Variants in AGBL4 observed in about 807,000 individuals in gnomAD.
The protein encoded by AGBL4 is cytosolic carboxypeptidase 6.
A neutral mutation model predicts 66.4 loss-of-function variants in AGBL4; 58 were observed. That is an observed-to-expected ratio of 0.87 (90% CI 0.71 to 1.09). AGBL4 has a LOEUF of 1.09. Among genes scored for constraint, AGBL4 ranks in the 50% least tolerant of loss-of-function variants. AGBL4 has a pLI of 0.00. For synonymous variants in AGBL4, 234 were observed against 222.9 expected, an observed-to-expected ratio of 1.05 and a Z score of -0.44; for missense variants, 579 against 631.0, an observed-to-expected ratio of 0.92 and a Z score of 0.88.
chr1:49,234,591 G>T (rs1470889104), intron 4 of AGBL4, among the ~76,000 whole-genome samples: 12 of 152,140 alleles, frequency 7.9e-5, no homozygotes, highest in Admixed American at 5.9e-4. Flanking sequence ...ATGCCAATTT[G>T]TTTTTTGTGG....
intron 3 of AGBL4, among the ~76,000 whole-genome samples, chr1:49,574,862 C>T (rs1644404644): frequency 6.6e-6 from 1 of 151,796 alleles, no homozygotes; most frequent in African/African-American, 2.4e-5. Context: ...CTGCATTCTG[C>T]TTGTCTTTAT....
chr1:49,697,153 G>A (rs1340021312), intron 3 of AGBL4, 160 bp downstream of exon 3: 2 of 691,156 alleles, frequency 2.9e-6, no homozygotes, highest in Non-Finnish European at 4.5e-6. Flanking sequence ...TCAACATATT[G>A]TATCTATTTC....
At chr1:48,904,780 A>G (rs1436164296) in intron 5 of AGBL4, among the ~76,000 whole-genome samples, 1 of 152,228 alleles carries the variant, frequency 6.6e-6, no homozygotes, top group Non-Finnish European at 1.5e-5. Flanking sequence ...AAAAGATCTA[A>G]GACCAATTTT....
chr1:50,016,058 T>G (rs1661955757), intron 1 of AGBL4, among the ~76,000 whole-genome samples: 1 of 152,156 alleles, frequency 6.6e-6, no homozygotes, highest in African/African-American at 2.4e-5. Flanking sequence ...ATTTTGCACA[T>G]AGGCCCTGGC....
chr1:50,019,263 T>TTCTC lies in AGBL4; in HGVS notation c.34+4496_34+4499dup, dbSNP rs71059571. Among the ~76,000 whole-genome samples, 306 of 83,646 alleles carry TTCTC rather than the reference T, an allele frequency of 3.7e-3. 4 individuals carry two copies. Among genetic ancestry groups the TTCTC allele is most frequent in the Non-Finnish European group, 5.4e-3 (242 of 44,718 alleles). 54.9% of individuals were successfully genotyped at this position (83,646 alleles called of 152,430 possible). A position where few individuals can be genotyped will look rare whatever the true frequency, so the allele number is the denominator to read the frequency against. On this transcript the variant is annotated intron_variant, in intron 1 of 13. Coordinates refer to ENST00000371839, the MANE Select transcript of AGBL4 (RefSeq NM_032785.4). ...TCCTATGCCTTTAGGAAAAAAAATATTCTCTCTCTCTCTCTCTCTCTCTCT... is the reference window on the plus strand; with the variant it reads ...TCCTATGCCTTTAGGAAAAAAAATATTCTCTCTCTCTCTCTCTCTCTCTCTCTCT...
chr1:49,069,921 G>C (rs865930298), intron 4 of AGBL4, among the ~76,000 whole-genome samples: 2 of 152,070 alleles, frequency 1.3e-5, no homozygotes, highest in African/African-American at 4.8e-5. Flanking sequence ...GCAGTGGTCT[G>C]TAGTTCTCCG....
intron 1 of AGBL4, among the ~76,000 whole-genome samples, chr1:50,016,755 C>T (rs1572063944): frequency 6.6e-6 from 1 of 152,174 alleles, no homozygotes; most frequent in Non-Finnish European, 1.5e-5. Context: ...CATTTCACAC[C>T]AGTCAGAATG....
intron 4 of AGBL4, among the ~76,000 whole-genome samples, chr1:49,193,181 A>AT (rs943795214): frequency 5.4e-5 from 8 of 148,956 alleles, no homozygotes; most frequent in Middle Eastern, 3.5e-3. Flanking sequence ...AATGCTCTGT[A>AT]TTTTTTTGGT....
intron 7 of AGBL4, among the ~76,000 whole-genome samples, chr1:48,659,324 C>T (rs1162333917): frequency 3.3e-5 from 5 of 152,154 alleles, no homozygotes; most frequent in Admixed American, 1.3e-4. Flanking sequence ...GCAAAGTCCC[C>T]TAGCTAGATG....
intron 9 of AGBL4, among the ~76,000 whole-genome samples, chr1:48,598,108 G>T (rs550354438): frequency 2.8e-4 from 43 of 152,316 alleles, no homozygotes; most frequent in African/African-American, 9.6e-4. Context: ...GGACAGGTTT[G>T]CAGGGTCCAG....
chr1:49,783,614 C>T (rs1644385919), intron 2 of AGBL4, among the ~76,000 whole-genome samples: 3 of 152,048 alleles, frequency 2.0e-5, no homozygotes, highest in Admixed American at 2.0e-4. Flanking sequence ...TCAGTTCTTA[C>T]CACTTGAATT....
intron 6 of AGBL4, among the ~76,000 whole-genome samples, chr1:48,857,102 A>G (rs17105021): frequency 0.032 from 4,839 of 152,328 alleles, 268 homozygotes; most frequent in African/African-American, 0.11. Context: ...TCTGCAAAAC[A>G]GGAAAGATAA....
At chr1:48,527,323 C>T in the AGBL4 span, among the ~76,000 whole-genome samples, 8 of 152,038 alleles carry the variant, frequency 5.3e-5, no homozygotes, top group African/African-American at 1.9e-4. Context: ...AGGCCTGGCG[C>T]AACAGCTCAC....
chr1:49,731,254 T>C (rs941218951), intron 2 of AGBL4, among the ~76,000 whole-genome samples: 4 of 152,166 alleles, frequency 2.6e-5, no homozygotes, highest in African/African-American at 9.7e-5. Flanking sequence ...AACCCCAGTA[T>C]GGCAAATAGT....
At chr1:49,944,540 A>T (rs994842578) in intron 1 of AGBL4, among the ~76,000 whole-genome samples, 1 of 152,144 alleles carries the variant, frequency 6.6e-6, no homozygotes, top group Admixed American at 6.6e-5. Context: ...AATACTATGT[A>T]GGACAAAAGA....
intron 4 of AGBL4, among the ~76,000 whole-genome samples, chr1:49,096,815 T>A (rs1387860661): frequency 1.3e-5 from 2 of 151,656 alleles, no homozygotes; most frequent in Admixed American, 6.6e-5. Flanking sequence ...ATTATGCACA[T>A]CTACCCTAAA....
intron 2 of AGBL4, among the ~76,000 whole-genome samples, chr1:49,767,153 C>T (rs1652789646): frequency 1.3e-5 from 2 of 152,086 alleles, no homozygotes; most frequent in Admixed American, 6.5e-5. Flanking sequence ...AAAGAATATA[C>T]ATCCTTCTTA....
intron 9 of AGBL4, among the ~76,000 whole-genome samples, chr1:48,629,967 C>T (rs946782285): frequency 6.6e-6 from 1 of 152,248 alleles, no homozygotes; most frequent in African/African-American, 2.4e-5. Context: ...ATCATTTGCT[C>T]AACATTTATC....
At chr1:48,812,970 G>A (rs1276759149) in intron 6 of AGBL4, among the ~76,000 whole-genome samples, 1 of 151,978 alleles carries the variant, frequency 6.6e-6, no homozygotes. Flanking sequence ...TGGGGTGGGG[G>A]GAGAGGGGAG....
Sources: gnomAD v4.1 joint callset for allele counts (sites outside exome capture counted in the v4.1 genomes callset) on GRCh38, gnomAD v4.1.1 for gene constraint, MANE v1.5 for transcripts, NCBI Gene and HGNC (gene_info 2026-07-23, HGNC 2026-07-21) for gene names.